The following AIG1 variants were observed in gnomAD, a reference collection of about 807,000 sequenced individuals.
The protein encoded by AIG1 is androgen-induced gene 1 protein.
A neutral mutation model predicts 31.4 loss-of-function variants in AIG1; 23 were observed. The observed-to-expected ratio is 0.73, with a 90% confidence interval of 0.53 to 1.04. The LOEUF (loss-of-function observed/expected upper bound fraction) is 1.04. AIG1 is among the 50% of genes least tolerant of loss of function. The probability of loss-of-function intolerance (pLI) is 0.00; values close to 1 mark genes in which losing one functional copy is unlikely to be tolerated. For synonymous variants in AIG1, 100 were observed against 110.5 expected (o/e 0.90, Z 0.60); for missense variants, 274 against 295.0 (o/e 0.93, Z 0.52).
At position 143,298,539 on chromosome 6, in the gene AIG1, T is replaced by A. The variant is rs986512996; in HGVS notation, c.515+14314T>A. Among the ~76,000 whole-genome samples the A allele has an allele frequency of 1.3e-5, 2 of 152,174 alleles. No individual in the cohort carries two copies. The highest frequency in any genetic ancestry group is 4.8e-5 in the African/African-American group (2 of 41,442). ...AGTCTAATATAAGATGCTATCCATT[T>A]AAAAGTAGCCAGGTGTGGTGGCTCA... On this transcript the variant is annotated intron_variant, in intron 4 of 5. Coordinates refer to ENST00000357847, the MANE Select transcript of AIG1 (RefSeq NM_016108.4). This position sits in a 1 kb window ranked among gnomAD's most constrained non-coding sequence, Gnocchi z 5.1.
Position 143,290,121 on chromosome 6 carries a change from G to T in AIG1, c.515+5896G>T, listed in dbSNP as rs188294774. 5.9e-3 allele frequency among the ~76,000 whole-genome samples: 892 copies of T among 152,132 alleles called. 5 individuals carry two copies. The highest frequency in any genetic ancestry group is 0.01 in the Non-Finnish European group (693 of 68,012). ...ATGTTACTGGCGGCATATATGTATGGGTCTGCAGCAACCTCAGTTCTTGCC... is the reference window on the plus strand; with the variant it reads ...ATGTTACTGGCGGCATATATGTATGTGTCTGCAGCAACCTCAGTTCTTGCC... On this transcript the variant is annotated intron_variant, in intron 4 of 5. Transcript: ENST00000357847.
intron 1 of AIG1, among the ~76,000 whole-genome samples, chr6:143,114,231 C>T (rs1781552656): frequency 6.6e-6 from 1 of 152,110 alleles, no homozygotes; most frequent in African/African-American, 2.4e-5. Flanking sequence ...TATCTGTTTT[C>T]AAAAATCTTG....
intron 1 of AIG1, among the ~76,000 whole-genome samples, chr6:143,100,057 A>G (rs1336130215): frequency 6.6e-6 from 1 of 152,132 alleles, no homozygotes; most frequent in Admixed American, 6.5e-5. Context: ...TTTAGAATAT[A>G]TTTACCTTTT....
chr6:143,233,521 C>T (rs886694920), intron 3 of AIG1, among the ~76,000 whole-genome samples: 3 of 150,314 alleles, frequency 2.0e-5, no homozygotes, highest in Non-Finnish European at 4.4e-5. Context: ...AGCCCCCAAA[C>T]CAGAGTAGGT....
chr6:143,157,179 C>A (rs1238455014), intron 2 of AIG1, among the ~76,000 whole-genome samples: 1 of 152,200 alleles, frequency 6.6e-6, no homozygotes, highest in Non-Finnish European at 1.5e-5. Flanking sequence ...TTAAAAAAGT[C>A]TTGGCAATTA....
At chr6:143,138,910 A>AAT (rs1784010855) in intron 2 of AIG1, among the ~76,000 whole-genome samples, 1 of 151,692 alleles carries the variant, frequency 6.6e-6, no homozygotes, top group South Asian at 2.1e-4. Context: ...AAAAAAAAAA[A>AAT]AGTAAACATG....
chr6:143,185,220 A>C (rs1789141853), intron 3 of AIG1, among the ~76,000 whole-genome samples: 1 of 151,158 alleles, frequency 6.6e-6, no homozygotes, highest in South Asian at 2.1e-4. Context: ...ATTCAATCTC[A>C]TATATTTTTC....
At chr6:143,254,048 G>A (rs1454844600) in intron 3 of AIG1, among the ~76,000 whole-genome samples, 1 of 152,112 alleles carries the variant, frequency 6.6e-6, no homozygotes, top group Non-Finnish European at 1.5e-5. Flanking sequence ...CTCTTCAAAG[G>A]CTTGCTCCCT....
chr6:143,303,683 G>T (rs1360698476), intron 4 of AIG1, among the ~76,000 whole-genome samples: 24 of 150,208 alleles, frequency 1.6e-4, no homozygotes, highest in African/African-American at 5.6e-4. Context: ...TTGTTCTTTT[G>T]GCTTAGGATT....
intron 2 of AIG1, among the ~76,000 whole-genome samples, chr6:143,159,760 A>C (rs1182588813): frequency 2.0e-5 from 3 of 152,196 alleles, no homozygotes; most frequent in Non-Finnish European, 4.4e-5. Flanking sequence ...GAAAGTAGGA[A>C]GGCAAGGGCT....
chr6:143,240,179 A>G (rs1322288123), intron 3 of AIG1, among the ~76,000 whole-genome samples: 8 of 152,296 alleles, frequency 5.3e-5, no homozygotes, highest in South Asian at 2.1e-4. Context: ...TAACCCCTCT[A>G]TGCCTCAGTT....
At chr6:143,074,618 C>A (rs1777574841) in intron 1 of AIG1, among the ~76,000 whole-genome samples, 1 of 152,100 alleles carries the variant, frequency 6.6e-6, no homozygotes, top group African/African-American at 2.4e-5. Context: ...ATATCAGCAA[C>A]TTACTGTTTT....
intron 3 of AIG1, among the ~76,000 whole-genome samples, chr6:143,222,417 T>C (rs1299015272): frequency 1.3e-5 from 2 of 152,112 alleles, no homozygotes; most frequent in Non-Finnish European, 2.9e-5. Context: ...TGTTGTTTTA[T>C]GTCAATTCGT....
chr6:143,104,854 C>T (rs1780651100), intron 1 of AIG1, among the ~76,000 whole-genome samples: 1 of 151,572 alleles, frequency 6.6e-6, no homozygotes, highest in African/African-American at 2.4e-5. Flanking sequence ...TGATGTGATG[C>T]TGCCACTGCA....
At chr6:143,294,006 G>A (rs1745382788) in intron 4 of AIG1, among the ~76,000 whole-genome samples, 1 of 152,098 alleles carries the variant, frequency 6.6e-6, no homozygotes, top group South Asian at 2.1e-4. Context: ...ACTCTAAACA[G>A]GGACTCCTTC....
intron 4 of AIG1, among the ~76,000 whole-genome samples, chr6:143,305,685 A>G (rs1799218448): frequency 6.6e-6 from 1 of 152,118 alleles, no homozygotes; most frequent in Admixed American, 6.5e-5. Context: ...GCGGTGCTGA[A>G]AAAAATGTAT....
chr6:143,278,699 C>T (rs906635636), intron 3 of AIG1, among the ~76,000 whole-genome samples: 3 of 151,924 alleles, frequency 2.0e-5, no homozygotes, highest in African/African-American at 7.3e-5. Context: ...GAACTCCTGA[C>T]CTCAGGTGAT....
In AIG1 at chr6:143,226,944, A is replaced by T. The variant is rs7766878; in HGVS notation, c.400-57166A>T. 1.0e-2 allele frequency among the ~76,000 whole-genome samples: 1,515 copies of T among 151,726 alleles called. 26 individuals carry two copies. The highest frequency in any genetic ancestry group is 0.034 in the African/African-American group (1,419 of 41,322). Reference sequence around the variant, plus strand: ...CCCAGGACAGCTTTGAATGCTACCCAACACAAATTTATAAACTTTCTTAAA... The same window carrying T: ...CCCAGGACAGCTTTGAATGCTACCCTACACAAATTTATAAACTTTCTTAAA... On this transcript the variant is annotated intron_variant, in intron 3 of 5. Coordinates refer to ENST00000357847, the MANE Select transcript of AIG1 (RefSeq NM_016108.4).
intron 1 of AIG1, among the ~76,000 whole-genome samples, chr6:143,081,741 A>G (rs1015948756): frequency 2.6e-5 from 4 of 152,098 alleles, no homozygotes; most frequent in African/African-American, 9.7e-5. Flanking sequence ...GCTGCAGGCA[A>G]AAGTATTTTT....
Sources: allele counts gnomAD v4.1 joint callset (sites outside exome capture counted in the v4.1 genomes callset), GRCh38; gene constraint gnomAD v4.1.1; non-coding constraint Gnocchi (gnomAD v3.1); transcripts MANE v1.5; gene names NCBI Gene and HGNC (gene_info 2026-07-23, HGNC 2026-07-21).